NAV3: variants seen among roughly 807,000 people sequenced by gnomAD.
NAV3 encodes the protein pore membrane and/or filament interacting like protein 1.
Under a neutral mutation model 244.7 loss-of-function variants are expected in NAV3, and 87 were observed. The ratio of observed to expected loss-of-function variants is 0.36; its 90% CI spans 0.30 to 0.42. The LOEUF (loss-of-function observed/expected upper bound fraction) is 0.42, where lower values mean the gene tolerates loss of function less well. Ranked by LOEUF, NAV3 falls within the 20% of genes least tolerant of loss-of-function variation. The probability of loss-of-function intolerance (pLI) is 1.00; values close to 1 mark genes in which losing one functional copy is unlikely to be tolerated. For synonymous variants in NAV3, 1,126 were observed against 1,042.2 expected, an observed-to-expected ratio of 1.08 and a Z score of -1.55; for missense variants, 2,663 against 2,893.3, an observed-to-expected ratio of 0.92 and a Z score of 1.83.
intron 2 of NAV3, among the ~76,000 whole-genome samples, chr12:77,791,832 T>C (rs1467620889): frequency 6.6e-6 from 1 of 152,252 alleles, no homozygotes; most frequent in African/African-American, 2.4e-5. Context: ...ATATAGCAAG[T>C]ATTTGCATAG....
intron 2 of NAV3, among the ~76,000 whole-genome samples, chr12:77,788,985 CT>C (rs1333522087): frequency 3.3e-5 from 5 of 152,174 alleles, no homozygotes; most frequent in Admixed American, 3.3e-4. Flanking sequence ...CTCTTATCTC[CT>C]ACCCTACTCA....
At chr12:78,039,590 G>A (rs1286088665) in intron 9 of NAV3, among the ~76,000 whole-genome samples, 1 of 151,918 alleles carries the variant, frequency 6.6e-6, no homozygotes. Flanking sequence ...TGGGGTAGAG[G>A]GCATAATTCT....
intron 2 of NAV3, among the ~76,000 whole-genome samples, chr12:77,703,596 C>T (rs1034423693): frequency 2.6e-5 from 4 of 152,098 alleles, no homozygotes; most frequent in African/African-American, 9.7e-5. Flanking sequence ...AAGAAACTGC[C>T]TAAATTTTAC....
intron 2 of NAV3, among the ~76,000 whole-genome samples, chr12:77,734,365 G>A (rs1286101560): frequency 6.6e-6 from 1 of 151,736 alleles, no homozygotes; most frequent in Non-Finnish European, 1.5e-5. Flanking sequence ...GACCTTGCCT[G>A]TTTGTCTTTC....
chr12:77,995,743 C>A (rs1452494547), intron 6 of NAV3, among the ~76,000 whole-genome samples: 1 of 151,996 alleles, frequency 6.6e-6, no homozygotes, highest in African/African-American at 2.4e-5. Context: ...CAAAATAATT[C>A]TCGAAAGACA....
chr12:77,992,072 T>C (rs1453653716), intron 5 of NAV3, among the ~76,000 whole-genome samples: 4 of 152,124 alleles, frequency 2.6e-5, no homozygotes, highest in Non-Finnish European at 4.4e-5. Flanking sequence ...AAAATTTACT[T>C]TGAGTCTTCA....
intron 22 of NAV3, among the ~76,000 whole-genome samples, chr12:78,154,254 T>TAG (rs1379532297): frequency 1.2e-4 from 13 of 105,950 alleles, no homozygotes; most frequent in Admixed American, 4.9e-4. Flanking sequence ...TATATATTAC[T>TAG]ATATAATATA....
chr12:77,786,510 G>A (rs1870911592), intron 2 of NAV3, among the ~76,000 whole-genome samples: 1 of 152,152 alleles, frequency 6.6e-6, no homozygotes, highest in Admixed American at 6.6e-5. Flanking sequence ...TCAAGGTAAA[G>A]TGAGCCAAAT....
intron 1 of NAV3, among the ~76,000 whole-genome samples, chr12:77,916,251 A>G (rs1887131445): frequency 6.6e-6 from 1 of 152,068 alleles, no homozygotes; most frequent in African/African-American, 2.4e-5. Context: ...AAAAGGAACT[A>G]TTTATTATTT....
At chr12:78,112,294 T>C (rs557275803) in intron 12 of NAV3, among the ~76,000 whole-genome samples, 28 of 152,246 alleles carry the variant, frequency 1.8e-4, no homozygotes, top group Non-Finnish European at 3.5e-4. Context: ...CTGTGCTGCA[T>C]GCTATAGGTG....
At chr12:78,016,647 G>T (rs1161452507) in intron 8 of NAV3, among the ~76,000 whole-genome samples, 3 of 152,060 alleles carry the variant, frequency 2.0e-5, no homozygotes, top group Admixed American at 2.0e-4. Context: ...TTTTGTTGGG[G>T]TTATAAACAG....
At chr12:77,930,891 C>G (rs1188050862) in intron 1 of NAV3, among the ~76,000 whole-genome samples, 1 of 152,140 alleles carries the variant, frequency 6.6e-6, no homozygotes, top group Non-Finnish European at 1.5e-5. Context: ...GTTGCAATGT[C>G]ACTGTAGAGA....
At position 77,820,089 on chromosome 12, in the gene NAV3, A is replaced by AGT. The variant is rs77744703; in HGVS notation, c.73-120210_73-120209dup. Among the ~76,000 whole-genome samples the AGT allele has an allele frequency of 8.7e-3, 1,312 of 151,158 alleles. 11 individuals are homozygous for AGT. The highest frequency in any genetic ancestry group is 0.022 in the African/African-American group (900 of 41,234). ...AGAGAATAAAATGTCAATAAATTGAAGTGTGTGTGTGTGTGTGTGTGCACA... is the reference window on the plus strand; with the variant it reads ...AGAGAATAAAATGTCAATAAATTGAAGTGTGTGTGTGTGTGTGTGTGTGCACA... On this transcript the variant is annotated intron_variant, in intron 2 of 8. Coordinates refer to the NAV3 transcript ENST00000550042.
intron 1 of NAV3, among the ~76,000 whole-genome samples, chr12:77,884,165 G>A (rs532918450): frequency 1.8e-4 from 27 of 152,096 alleles, no homozygotes; most frequent in Non-Finnish European, 3.1e-4. Context: ...AAATGGTTGT[G>A]TTTTAGTTGG....
intron 22 of NAV3, among the ~76,000 whole-genome samples, chr12:78,157,395 A>G (rs1417118854): frequency 3.3e-5 from 3 of 90,488 alleles, no homozygotes; most frequent in Non-Finnish European, 4.5e-5. Context: ...ACAGAAAATG[A>G]AAAAAAAAAA....
intron 8 of NAV3, among the ~76,000 whole-genome samples, chr12:78,017,989 G>T (rs1876520216): frequency 6.6e-6 from 1 of 152,072 alleles, no homozygotes; most frequent in Non-Finnish European, 1.5e-5. Context: ...GACATTTCTG[G>T]TCCCATTTCC....
At chr12:78,145,361 CTACTT>C (rs1357153036) in intron 20 of NAV3, among the ~76,000 whole-genome samples, 2 of 152,126 alleles carry the variant, frequency 1.3e-5, no homozygotes, top group Non-Finnish European at 2.9e-5. Context: ...GATGGTTAGA[CTACTT>C]TGCTTTATGT....
intron 2 of NAV3, among the ~76,000 whole-genome samples, chr12:77,616,922 T>A (rs542650955): frequency 1.1e-4 from 16 of 152,304 alleles, no homozygotes; most frequent in Admixed American, 3.9e-4. Flanking sequence ...TTACTGATTA[T>A]TTTAACTTGT....
At chr12:77,909,555 C>T (rs1468422515) in intron 1 of NAV3, among the ~76,000 whole-genome samples, 1 of 151,942 alleles carries the variant, frequency 6.6e-6, no homozygotes, top group African/African-American at 2.4e-5. Context: ...TCAGGTAGAA[C>T]AAGTTCTTTA....
Sources: allele counts gnomAD v4.1 joint callset (sites outside exome capture counted in the v4.1 genomes callset), GRCh38; gene constraint gnomAD v4.1.1; transcripts MANE v1.5; gene names NCBI Gene and HGNC (gene_info 2026-07-23, HGNC 2026-07-21).